The following ERMP1 variants were observed in gnomAD, a reference collection of about 807,000 sequenced individuals.
ERMP1 encodes the protein endoplasmic reticulum metallopeptidase 1.
ERMP1 carries 86 observed loss-of-function variants against 92.0 expected under a neutral mutation model. The ratio of observed to expected loss-of-function variants is 0.93; its 90% CI spans 0.79 to 1.12. The LOEUF (loss-of-function observed/expected upper bound fraction) is 1.12. Among genes scored for constraint, ERMP1 ranks in the 50% most tolerant of loss-of-function variants. The pLI is 0.00. For missense variants in ERMP1, 1,342 were observed against 1,116.3 expected (o/e 1.20, Z -2.88); for synonymous variants, 530 against 412.8 (o/e 1.28, Z -3.44).
Position 5,826,057 on chromosome 9 carries a change from A to C in ERMP1, c.641-838T>G, listed in dbSNP as rs59345320. ...CTTATCTGCCAGCAACACAGAGTGA[A>C]ATACTTTTAGAGAGGAACTGATATA... On this transcript the variant is annotated intron_variant, in intron 2 of 14. Coordinates refer to ENST00000339450, the MANE Select transcript of ERMP1 (RefSeq NM_024896.3). Among the ~76,000 whole-genome samples the C allele has an allele frequency of 5.4e-3, 823 of 152,326 alleles. 9 individuals are homozygous for C. The highest frequency in any genetic ancestry group is 0.019 in the African/African-American group (772 of 41,560).
chr9:5,826,216 C>A lies in ERMP1; in HGVS notation c.641-997G>T, dbSNP rs149078278. Among the ~76,000 whole-genome samples the A allele has an allele frequency of 4.4e-4, 67 of 152,318 alleles. No homozygotes were observed. The Middle Eastern group carries it at 0.017, about 39-fold the overall frequency. ...ATTCTGCTTTTGAATATATTTGAAA[C>A]TTTCCATATCAGAAAACTTAAAGAG... On this transcript the variant is annotated intron_variant, in intron 2 of 14. Transcript: ENST00000339450.
intron 10 of ERMP1, among the ~76,000 whole-genome samples, chr9:5,801,787 G>A (rs1828682161): frequency 6.6e-6 from 1 of 152,034 alleles, no homozygotes. Context: ...GCATAGAGAT[G>A]TACCTTCAAG....
At chr9:5,845,344 C>T (rs1225476011) in intron 6 of ERMP1, among the ~76,000 whole-genome samples, 4 of 152,096 alleles carry the variant, frequency 2.6e-5, no homozygotes, top group Admixed American at 6.6e-5. Context: ...GGGAGGATCA[C>T]TTGAAACCAG....
chr9:5,809,929 C>T, intron 8 of ERMP1, 82 bp downstream of exon 8: 1 of 987,722 alleles, frequency 1.0e-6, no homozygotes, highest in Non-Finnish European at 1.6e-6. Flanking sequence ...CTCAAAAGGC[C>T]AAATACAATG....
intron 6 of ERMP1, among the ~76,000 whole-genome samples, chr9:5,841,142 TTCTCA>T (rs1830158010): frequency 6.6e-6 from 1 of 152,224 alleles, no homozygotes; most frequent in Non-Finnish European, 1.5e-5. Flanking sequence ...CTGTTATCCT[TTCTCA>T]TCTCAAGTCT....
At chr9:5,826,692 G>C (rs1459068682) in intron 2 of ERMP1, among the ~76,000 whole-genome samples, 8 of 152,120 alleles carry the variant, frequency 5.3e-5, no homozygotes, top group Non-Finnish European at 8.8e-5. Flanking sequence ...CTATCAAATA[G>C]AAAATGCTGC....
intron 6 of ERMP1, among the ~76,000 whole-genome samples, chr9:5,844,408 C>G (rs1830208706): frequency 6.6e-6 from 1 of 152,118 alleles, no homozygotes; most frequent in Non-Finnish European, 1.5e-5. Context: ...CTGAGTAGCT[C>G]TTATTATAGG....
chr9:5,789,657 C>G (rs560210785), intron 13 of ERMP1, among the ~76,000 whole-genome samples: 1 of 152,176 alleles, frequency 6.6e-6, no homozygotes, highest in South Asian at 2.1e-4. Context: ...GTGGCATGAA[C>G]AGCCCACTGC....
intron 10 of ERMP1, among the ~76,000 whole-genome samples, chr9:5,801,809 G>A (rs1012402891): frequency 6.6e-6 from 1 of 152,142 alleles, no homozygotes; most frequent in Non-Finnish European, 1.5e-5. Context: ...CTCTGCCAGT[G>A]GACCTGCATA....
intron 4 of ERMP1, among the ~76,000 whole-genome samples, chr9:5,820,430 C>T (rs1033214688): frequency 6.6e-6 from 1 of 152,076 alleles, no homozygotes; most frequent in Non-Finnish European, 1.5e-5. Context: ...ATAGACTAAA[C>T]TATTACACTA....
upstream of ERMP1, among the ~76,000 whole-genome samples, chr9:5,834,776 T>C (rs918653428): frequency 4.4e-5 from 6 of 137,622 alleles, no homozygotes; most frequent in South Asian, 2.4e-4. Flanking sequence ...GGTACCATAA[T>C]AGGGAAATGC....
intron 12 of ERMP1, among the ~76,000 whole-genome samples, chr9:5,798,376 C>G (rs1586775475): frequency 6.6e-6 from 1 of 152,118 alleles, no homozygotes; most frequent in Non-Finnish European, 1.5e-5. Flanking sequence ...ACCACCATGC[C>G]CGGCTAATTT....
chr9:5,806,339 T>C (rs1338944904), intron 8 of ERMP1, among the ~76,000 whole-genome samples: 1 of 152,190 alleles, frequency 6.6e-6, no homozygotes, highest in East Asian at 1.9e-4. Context: ...TTTCCTATTA[T>C]AAAATTTGAT....
chr9:5,798,066 A>C (rs1828513654), intron 12 of ERMP1, 134 bp from the exon 13 acceptor site: 1 of 663,898 alleles, frequency 1.5e-6, no homozygotes, highest in African/African-American at 1.9e-5. Flanking sequence ...AAGCAATGCC[A>C]ACTCCAACAA....
At chr9:5,827,935 G>T (rs150948665) in intron 2 of ERMP1, among the ~76,000 whole-genome samples, 1 of 152,114 alleles carries the variant, frequency 6.6e-6, no homozygotes, top group African/African-American at 2.4e-5. Context: ...CCGAGATCGC[G>T]CCACTGCACT....
intron 13 of ERMP1, among the ~76,000 whole-genome samples, chr9:5,795,821 C>CAAAA (rs1828402850): frequency 2.6e-5 from 4 of 151,622 alleles, no homozygotes; most frequent in Non-Finnish European, 4.4e-5. Flanking sequence ...AAAGAATAAA[C>CAAAA]CAAACAAAAA....
intron 12 of ERMP1, among the ~76,000 whole-genome samples, chr9:5,798,280 G>T (rs763081486): frequency 6.6e-6 from 1 of 151,952 alleles, no homozygotes; most frequent in Non-Finnish European, 1.5e-5. Flanking sequence ...GAAATGGCGC[G>T]ATATCGGCTC....
chr9:5,833,265 G>A, upstream of ERMP1: 1 of 474,514 alleles, frequency 2.1e-6, no homozygotes, highest in Non-Finnish European at 3.7e-6. Flanking sequence ...TCTCCCGCAG[G>A]GCTTTTCCAG....
At chr9:5,840,395 A>T (rs1830147590) in intron 6 of ERMP1, among the ~76,000 whole-genome samples, 1 of 152,210 alleles carries the variant, frequency 6.6e-6, no homozygotes, top group South Asian at 2.1e-4. Flanking sequence ...ATCATGCCAT[A>T]GCCAAGGGTT....
Sources: gnomAD v4.1 joint callset for allele counts (sites outside exome capture counted in the v4.1 genomes callset) on GRCh38, gnomAD v4.1.1 for gene constraint, MANE v1.5 for transcripts, NCBI Gene and HGNC (gene_info 2026-07-23, HGNC 2026-07-21) for gene names.